DTNA: variants seen among roughly 807,000 people sequenced by gnomAD.
The protein encoded by DTNA is dystrobrevin alpha.
DTNA carries 43 observed loss-of-function variants against 100.7 expected under a neutral mutation model. That is an observed-to-expected ratio of 0.43 (90% CI 0.33 to 0.55). DTNA has a LOEUF of 0.55. DTNA is among the 20% of genes least tolerant of loss of function. DTNA has a pLI of 0.04. For missense variants in DTNA, 798 were observed against 953.9 expected (o/e 0.84, Z 2.15); for synonymous variants, 349 against 347.9 (o/e 1.00, Z -0.04).
intron 1 of DTNA, among the ~76,000 whole-genome samples, chr18:34,644,280 C>G (rs2059599700): frequency 1.3e-5 from 2 of 152,160 alleles, no homozygotes; most frequent in African/African-American, 2.4e-5. Flanking sequence ...ATTCATGGAA[C>G]ATGTAGGAGT....
At chr18:34,498,942 A>G (rs2039588425) in intron 1 of DTNA, among the ~76,000 whole-genome samples, 1 of 152,212 alleles carries the variant, frequency 6.6e-6, no homozygotes, top group Admixed American at 6.5e-5. Context: ...TTTGAGGTTC[A>G]TATGCAGTTG....
At chr18:34,877,669 T>C (rs2096831909) in intron 18 of DTNA, 50 bp from the exon 19 acceptor site, 2 of 1,528,968 alleles carry the variant, frequency 1.3e-6, no homozygotes, top group Non-Finnish European at 1.8e-6. Flanking sequence ...CATAAAAATT[T>C]AGGATAGAAG....
chr18:34,726,792 C>T (rs2086797097), intron 1 of DTNA, among the ~76,000 whole-genome samples: 1 of 152,196 alleles, frequency 6.6e-6, no homozygotes, highest in South Asian at 2.1e-4. Flanking sequence ...GCCAGTGGCT[C>T]TACCATTTTC....
chr18:34,707,660 A>G (rs534330393), upstream of DTNA, among the ~76,000 whole-genome samples: 445 of 152,332 alleles, frequency 2.9e-3, 2 homozygotes, highest in African/African-American at 0.01. Context: ...AAAAAAATGT[A>G]CAAGGTAAAC....
chr18:34,671,370 G>T (rs2145077774), intron 1 of DTNA, among the ~76,000 whole-genome samples: 1 of 152,308 alleles, frequency 6.6e-6, no homozygotes, highest in Non-Finnish European at 1.5e-5. Flanking sequence ...CTGACCCCTT[G>T]TGCTTCCCAG....
At chr18:34,509,590 A>G (rs1384517819) in intron 1 of DTNA, among the ~76,000 whole-genome samples, 2 of 152,172 alleles carry the variant, frequency 1.3e-5, no homozygotes, top group African/African-American at 4.8e-5. Context: ...AGGAAGTGAT[A>G]TATGAGTCAG....
chr18:34,869,796 C>G (rs1182853593), intron 17 of DTNA, among the ~76,000 whole-genome samples: 1 of 152,154 alleles, frequency 6.6e-6, no homozygotes, highest in Non-Finnish European at 1.5e-5. Flanking sequence ...CCGAGGCAGG[C>G]AGATCACAAG....
At chr18:34,528,175 A>G (rs1346238666) in intron 1 of DTNA, among the ~76,000 whole-genome samples, 3 of 152,270 alleles carry the variant, frequency 2.0e-5, no homozygotes, top group East Asian at 1.9e-4. Context: ...CTGTACAACT[A>G]TTATGCATTG....
At chr18:34,566,527 T>A (rs1051415244) in intron 1 of DTNA, among the ~76,000 whole-genome samples, 1 of 152,232 alleles carries the variant, frequency 6.6e-6, no homozygotes, top group African/African-American at 2.4e-5. Context: ...TCTTCAAAAA[T>A]TCTGTGTGAG....
intron 1 of DTNA, among the ~76,000 whole-genome samples, chr18:34,699,607 G>T (rs1363779589): frequency 6.6e-6 from 1 of 152,160 alleles, no homozygotes; most frequent in Non-Finnish European, 1.5e-5. Context: ...ATGCCCCGCA[G>T]ACTTTCCCTT....
chr18:34,859,588 T>C (rs1266138028), intron 16 of DTNA, among the ~76,000 whole-genome samples: 1 of 152,224 alleles, frequency 6.6e-6, no homozygotes, highest in African/African-American at 2.4e-5. Context: ...TCAGAAGTAC[T>C]TTCCATTATT....
chr18:34,639,839 G>C (rs767267378), intron 1 of DTNA, among the ~76,000 whole-genome samples: 3 of 152,180 alleles, frequency 2.0e-5, no homozygotes, highest in Non-Finnish European at 4.4e-5. Context: ...ATTTAGAAAT[G>C]AAGAGGGACT....
chr18:34,655,136 A>G (rs16965739), intron 1 of DTNA, among the ~76,000 whole-genome samples: 16,651 of 152,188 alleles, frequency 0.11, 1,321 homozygotes, highest in African/African-American at 0.22. Context: ...TATTAAATCC[A>G]GCAAAAATGT....
At chr18:34,508,964 T>G (rs1185426635) in intron 1 of DTNA, among the ~76,000 whole-genome samples, 1 of 152,174 alleles carries the variant, frequency 6.6e-6, no homozygotes. Flanking sequence ...AGAAAAATAT[T>G]ACTTTCTATC....
chr18:34,890,263 A>C lies in DTNA; in HGVS notation c.*2529A>C. 1 of 1,523,270 alleles carries C rather than the reference A, an allele frequency of 6.6e-7. No homozygotes were observed. The highest frequency in any genetic ancestry group is 1.2e-5 in the South Asian group (1 of 82,738). The allele number at this position is 1,523,270 out of a possible 1,614,324, so 94.4% of individuals were successfully genotyped here. On this transcript the variant is annotated 3_prime_UTR_variant, in exon 23 of 23. Transcript: ENST00000444659. ...ACTCTGGAAACTGCCGCCAATGACC[A>C]ATTTCTGACTAACCAGCCACCTTTT...
At chr18:34,684,658 T>C (rs2078617385) in intron 1 of DTNA, among the ~76,000 whole-genome samples, 1 of 152,224 alleles carries the variant, frequency 6.6e-6, no homozygotes, top group Non-Finnish European at 1.5e-5. Flanking sequence ...TTTGGGTATA[T>C]ACCCAGTAAT....
At chr18:34,871,306 T>G (rs1446556790) in intron 17 of DTNA, among the ~76,000 whole-genome samples, 2 of 152,220 alleles carry the variant, frequency 1.3e-5, no homozygotes, top group Admixed American at 6.5e-5. Context: ...TTTAAAAAAA[T>G]GGATACAACA....
chr18:34,570,448 A>G (rs1252022985), intron 1 of DTNA, among the ~76,000 whole-genome samples: 1 of 152,220 alleles, frequency 6.6e-6, no homozygotes, highest in African/African-American at 2.4e-5. Flanking sequence ...GAAAGCAGGG[A>G]CAGAGTCTTA....
intron 7 of DTNA, among the ~76,000 whole-genome samples, chr18:34,816,240 A>G (rs1270860020): frequency 2.0e-5 from 3 of 152,196 alleles, no homozygotes; most frequent in Non-Finnish European, 4.4e-5. Context: ...CTTCTTCTCA[A>G]TTACAAGTCA....
Sources: gnomAD v4.1 joint callset for allele counts (sites outside exome capture counted in the v4.1 genomes callset) on GRCh38, gnomAD v4.1.1 for gene constraint, MANE v1.5 for transcripts, NCBI Gene and HGNC (gene_info 2026-07-23, HGNC 2026-07-21) for gene names.